NAB1: variants seen among roughly 807,000 people sequenced by gnomAD.
NAB1 encodes NGFI-A binding protein 1.
In NAB1, 25 loss-of-function variants were observed where a neutral mutation model predicts 49.9. That is an observed-to-expected ratio of 0.50 (90% CI 0.37 to 0.70). NAB1 has a LOEUF of 0.70. Among genes scored for constraint, NAB1 ranks in the 30% least tolerant of loss-of-function variants. The pLI is 0.00. For missense variants in NAB1, 489 were observed against 575.9 expected (o/e 0.85, Z 1.54); for synonymous variants, 198 against 215.6 (o/e 0.92, Z 0.71).
At position 190,670,703 on chromosome 2, in the gene NAB1, T is replaced by G. The variant is rs1445347563; in HGVS notation, c.953+244T>G. Among the ~76,000 whole-genome samples the G allele has an allele frequency of 1.3e-5, 2 of 152,228 alleles. No homozygotes were observed. The highest frequency in any genetic ancestry group is 1.9e-4 in the East Asian group (1 of 5,204). ...TATAGCATTGTTCTGGTAGTGGTTT[T>G]AAACATTCTTCTCTCATACACACAC... On this transcript the variant is annotated intron_variant, in intron 5 of 9. Transcript: ENST00000337386. This position sits in a 1 kb window ranked among gnomAD's most constrained non-coding sequence, Gnocchi z 5.3.
chr2:190,670,013 G>A lies in NAB1; in HGVS notation c.820-313G>A, dbSNP rs1422736537. ...TAATATTTTGGGTTTTTTTATAAGCGAGTTGCAGAATATTTTTTACTTTTT... is the reference window on the plus strand; with the variant it reads ...TAATATTTTGGGTTTTTTTATAAGCAAGTTGCAGAATATTTTTTACTTTTT... On this transcript the variant is annotated intron_variant, in intron 4 of 9. Coordinates refer to ENST00000337386, the MANE Select transcript of NAB1 (RefSeq NM_005966.4). This position sits in a 1 kb window ranked among gnomAD's most constrained non-coding sequence, Gnocchi z 5.3. 6.6e-6 allele frequency among the ~76,000 whole-genome samples: 1 copy of A among 151,922 alleles called. No individual in the cohort carries two copies. The highest frequency in any genetic ancestry group is 1.5e-5 in the Non-Finnish European group (1 of 67,978).
chr2:190,673,109 G>A lies in NAB1; in HGVS notation c.962G>A (p.Cys321Tyr), dbSNP rs1424608337. 1.3e-6 allele frequency: 2 copies of A among 1,593,948 alleles called. No homozygotes were observed. The highest frequency in any genetic ancestry group is 1.7e-5 in the Admixed American group (1 of 59,340). ...KYTYRTTKSKCGERDELSPKR... is the reference protein window; with the variant it reads ...KYTYRTTKSKYGERDELSPKR... Reference sequence around the variant, plus strand: ...TCTCCCCTTTCCCTTAGGTCAAAATGTGGAGAAAGAGATGAATTATCCCCA... The same window carrying A: ...TCTCCCCTTTCCCTTAGGTCAAAATATGGAGAAAGAGATGAATTATCCCCA... Residue 321 changes from cysteine (C) to tyrosine (Y), a missense_variant, in exon 6 of 10, where the codon TGT (cysteine) becomes TAT (tyrosine). Physicochemically the swap from Cys to Tyr is radical, Grantham distance 194. Around this residue, in one of 4 missense-constraint regions of NAB1, gnomAD observed 212 missense variants for 199.3 expected, o/e 1.06. Transcript: ENST00000337386.
intron 9 of NAB1, among the ~76,000 whole-genome samples, chr2:190,687,741 T>C (rs1033653976): frequency 6.6e-6 from 1 of 152,130 alleles, no homozygotes; most frequent in African/African-American, 2.4e-5. Context: ...TTCCGAACAA[T>C]GACAGGGAAA....
intron 4 of NAB1, among the ~76,000 whole-genome samples, chr2:190,664,154 C>T (rs1242665490): frequency 6.6e-6 from 1 of 152,130 alleles, no homozygotes; most frequent in Non-Finnish European, 1.5e-5. Flanking sequence ...ATTATTTTGT[C>T]TGCTTGCTCT....
In NAB1 at chr2:190,684,718, G is replaced by T. The variant is rs1468300489; in HGVS notation, c.1096-758G>T. Among the ~76,000 whole-genome samples, 2 of 152,050 alleles carry T rather than the reference G, an allele frequency of 1.3e-5. No homozygotes were observed. The highest frequency in any genetic ancestry group is 3.8e-4 in the East Asian group (2 of 5,204). On this transcript the variant is annotated intron_variant, in intron 7 of 9. Coordinates refer to ENST00000337386, the MANE Select transcript of NAB1 (RefSeq NM_005966.4). This position sits in a 1 kb window ranked among gnomAD's most constrained non-coding sequence, Gnocchi z 4.6. ...TATAGCATGGTAGTGATTCATATCT[G>T]TGCATTTTGACTATTATCTCCTTGG...
rs1277811725 is a variant in NAB1 at position 190,690,439 on chromosome 2, A to G, written c.*106A>G. The G allele has an allele frequency of 3.5e-6, 3 of 855,026 alleles. No individual in the cohort carries two copies. Among genetic ancestry groups the G allele is most frequent in the Non-Finnish European group, 5.7e-6 (3 of 524,086 alleles). 53.0% of individuals were successfully genotyped at this position (855,026 alleles called of 1,614,324 possible). On this transcript the variant is annotated 3_prime_UTR_variant, in exon 10 of 10. Coordinates refer to ENST00000337386, the MANE Select transcript of NAB1 (RefSeq NM_005966.4). ...CAGTGTTGCCTCATTCAGCTCAAACAGATTTCATAGCCAAAGCAAAAGGAC... is the reference window on the plus strand; with the variant it reads ...CAGTGTTGCCTCATTCAGCTCAAACGGATTTCATAGCCAAAGCAAAAGGAC...
Position 190,691,642 on chromosome 2 carries a change from A to C in NAB1, c.*1309A>C, listed in dbSNP as rs1695936712. 1 of 152,156 alleles carries C rather than the reference A, an allele frequency of 6.6e-6. No homozygotes were observed. Among genetic ancestry groups the C allele is most frequent in the Non-Finnish European group, 1.5e-5 (1 of 67,996 alleles). The allele number at this position is 152,156 out of a possible 1,614,324, so 9.4% of individuals were successfully genotyped here. A position where few individuals can be genotyped will look rare whatever the true frequency, so the allele number is the denominator to read the frequency against. On this transcript the variant is annotated 3_prime_UTR_variant, in exon 10 of 10. Transcript: ENST00000337386. This position sits in a 1 kb window ranked among gnomAD's most constrained non-coding sequence, Gnocchi z 4.1. The stretch of plus-strand genomic sequence containing the variant: ...AATGGTAAAACAACATACATCTGCC[A>C]ATATACGTTTTTTCTGTTGGTTTAA...
rs749666243 is a variant in NAB1, at chr2:190,687,258, T to C, written c.1316T>C (p.Phe439Ser). ...TTACAGAACAGACAACCCCATCATT[T>C]TGTGGTGGATGGGGAGCTGAGCAGA... is the stretch of plus-strand genomic sequence containing the variant. ...PNLQNRQPHH[F>S]VVDGELSRLY... The change falls in exon 9 of 10, where the codon TTT (phenylalanine) becomes TCT (serine). Residue 439 changes from phenylalanine to serine, a missense_variant. Physicochemically the swap from Phe to Ser is radical, Grantham distance 155. Transcript: ENST00000337386. 1 of 1,600,134 alleles carries C rather than the reference T, an allele frequency of 6.2e-7. No homozygotes were observed. The highest frequency in any genetic ancestry group is 8.5e-7 in the Non-Finnish European group (1 of 1,176,182).
At position 190,678,270 on chromosome 2, in the gene NAB1, A is replaced by AT. The variant is rs1453056857; in HGVS notation, c.1005+5125dup. 6.6e-6 allele frequency among the ~76,000 whole-genome samples: 1 copy of AT among 152,166 alleles called. No homozygotes were observed. The highest frequency in any genetic ancestry group is 2.4e-5 in the African/African-American group (1 of 41,444). ...CCCTGGCTCTCTTGTCTTCTCCTAA[A>AT]TTTTTTTAAATGTTAGTTAAAAGTG... On this transcript the variant is annotated intron_variant, in intron 6 of 9. Transcript: ENST00000337386. This position sits in a 1 kb window ranked among gnomAD's most constrained non-coding sequence, Gnocchi z 4.9.
intron 4 of NAB1, among the ~76,000 whole-genome samples, chr2:190,668,990 A>G (rs2125707641): frequency 6.6e-6 from 1 of 152,356 alleles, no homozygotes; most frequent in South Asian, 2.1e-4. Context: ...TGCCAGCATT[A>G]CTGCTCTTGC....
At chr2:190,660,027 G>T (rs1268126619) in intron 4 of NAB1, 32 bp downstream of exon 4, 5 of 1,566,756 alleles carry the variant, frequency 3.2e-6, no homozygotes, top group African/African-American at 1.4e-5. Flanking sequence ...TTCTGTGTGT[G>T]TATGTGGCAT....
At position 190,665,419 on chromosome 2, in the gene NAB1, G is replaced by A. The variant is rs187525230; in HGVS notation, c.820-4907G>A. Among the ~76,000 whole-genome samples, 11 of 151,632 alleles carry A rather than the reference G, an allele frequency of 7.3e-5. No individual in the cohort carries two copies. The South Asian group carries it at 8.3e-4, about 11-fold the overall frequency. On this transcript the variant is annotated intron_variant, in intron 4 of 9. Coordinates refer to ENST00000337386, the MANE Select transcript of NAB1 (RefSeq NM_005966.4). ...TCTCCTCTCCTGATTCTCAAGTTTC[G>A]TGGTTATTTTTACTGTACTGCTTTT...
rs754454718 is a variant in NAB1, at chr2:190,670,305, A to G, written c.820-21A>G. The G allele has an allele frequency of 2.5e-6, 4 of 1,578,600 alleles. No homozygotes were observed. The highest frequency in any genetic ancestry group is 3.4e-6 in the Non-Finnish European group (4 of 1,167,078). ...GAAATTAAAATGTTCTTAATTTTGA[A>G]ACTCTGTTTTGGATATCCAGCTCAC... On this transcript the variant is annotated intron_variant, in intron 4 of 9. Coordinates refer to ENST00000337386, the MANE Select transcript of NAB1 (RefSeq NM_005966.4). The surrounding 1 kb of genome is among the most constrained non-coding windows in gnomAD (Gnocchi z 5.3).
intron 4 of NAB1, 81 bp downstream of exon 4, chr2:190,660,076 C>A: frequency 7.8e-7 from 1 of 1,285,114 alleles, no homozygotes; most frequent in Non-Finnish European, 1.1e-6. Flanking sequence ...AATAGTTTGC[C>A]ACAAATGTGA....
chr2:190,673,067 G>GTTTTTTTTTTTT, intron 5 of NAB1, 34 bp from the exon 6 acceptor site: 2 of 1,472,060 alleles, frequency 1.4e-6, no homozygotes, highest in Non-Finnish European at 9.2e-7. Context: ...ACTTTCTCAA[G>GTTTTTTTTTTTT]TTTTTTTTTT....
At position 190,685,545 on chromosome 2, in the gene NAB1, C is replaced by G. The variant is rs748221758; in HGVS notation, c.1165C>G (p.His389Asp). The change falls in exon 8 of 10, where the codon CAT becomes GAT. Residue 389 changes from histidine to aspartate, a missense_variant. His to Asp is a moderately conservative substitution (Grantham distance 81). Coordinates refer to ENST00000337386, the MANE Select transcript of NAB1 (RefSeq NM_005966.4). This position sits in a 1 kb window ranked among gnomAD's most constrained non-coding sequence, Gnocchi z 4.5. ...CNQAGYERLQ[H>D]AERRLSAGLY... Reference sequence around the variant, plus strand: ...CCAAGCTGGCTATGAGAGACTGCAGCATGCCGAGAGGAGGTTGTCTGCAGG... The same window carrying G: ...CCAAGCTGGCTATGAGAGACTGCAGGATGCCGAGAGGAGGTTGTCTGCAGG... 1.7e-5 allele frequency: 27 copies of G among 1,614,078 alleles called. No individual in the cohort carries two copies. Among genetic ancestry groups the G allele is most frequent in the Non-Finnish European group, 2.1e-5 (25 of 1,180,006 alleles).
intron 4 of NAB1, among the ~76,000 whole-genome samples, chr2:190,664,613 T>C (rs1375785172): frequency 1.6e-5 from 2 of 128,564 alleles, no homozygotes; most frequent in East Asian, 2.6e-4. Flanking sequence ...TTTTTTTTTT[T>C]TGTAGGGACA....
rs757305165 is a variant in NAB1, at chr2:190,682,432, AG to A, written c.1006-1304del. Among the ~76,000 whole-genome samples, 4 of 152,196 alleles carry A rather than the reference AG, an allele frequency of 2.6e-5. No homozygotes were observed. The highest frequency in any genetic ancestry group is 4.8e-5 in the African/African-American group (2 of 41,426). ...ATTCCAAAGCTCCATTTCCTGTCAT[AG>A]GTTATGATAAAGGTGAAATCGCAAG... On this transcript the variant is annotated intron_variant, in intron 6 of 9. Transcript: ENST00000337386. This position sits in a 1 kb window ranked among gnomAD's most constrained non-coding sequence, Gnocchi z 4.1.
chr2:190,650,933 C>G (rs1364088661), intron 2 of NAB1, among the ~76,000 whole-genome samples: 4 of 152,114 alleles, frequency 2.6e-5, no homozygotes, highest in African/African-American at 9.7e-5. Context: ...AAGAAAATTT[C>G]AAGGAACTTC....
Sources: allele counts gnomAD v4.1 joint callset (sites outside exome capture counted in the v4.1 genomes callset), GRCh38; gene constraint gnomAD v4.1.1; regional missense constraint gnomAD v4.1.1; non-coding constraint Gnocchi (gnomAD v3.1); transcripts MANE v1.5; gene names NCBI Gene and HGNC (gene_info 2026-07-23, HGNC 2026-07-21).